The following TENM4 variants were observed in gnomAD, a reference collection of about 807,000 sequenced individuals.
TENM4 encodes teneurin transmembrane protein 4, also known as teneurin-4.
A neutral mutation model predicts 243.3 loss-of-function variants in TENM4; 82 were observed. The ratio of observed to expected loss-of-function variants is 0.34; its 90% confidence interval spans 0.28 to 0.40. The LOEUF is 0.40. Ranked by LOEUF, TENM4 falls within the 10% of genes least tolerant of loss-of-function variation. TENM4 has a pLI of 1.00. For synonymous variants in TENM4, 1,412 were observed against 1,456.3 expected (o/e 0.97, Z 0.69); for missense variants, 3,138 against 3,673.3 (o/e 0.85, Z 3.77).
chr11:78,948,477 CCA>C (rs2136482057), intron 6 of TENM4, among the ~76,000 whole-genome samples: 1 of 151,480 alleles, frequency 6.6e-6, no homozygotes, highest in East Asian at 2.0e-4. Flanking sequence ...CGGGTTCATG[CCA>C]GTCTCCTGCC....
intron 1 of TENM4, among the ~76,000 whole-genome samples, chr11:79,326,421 T>C (rs1048906545): frequency 6.6e-6 from 1 of 152,154 alleles, no homozygotes. Context: ...TCAAGACACT[T>C]CTCAAAGGCT....
At chr11:79,289,072 A>C (rs1856309757) in intron 2 of TENM4, among the ~76,000 whole-genome samples, 1 of 152,186 alleles carries the variant, frequency 6.6e-6, no homozygotes, top group African/African-American at 2.4e-5. Context: ...TGAAAGAGCA[A>C]TCATAACACT....
At chr11:78,981,857 C>T (rs941500002) in intron 6 of TENM4, among the ~76,000 whole-genome samples, 3 of 152,104 alleles carry the variant, frequency 2.0e-5, no homozygotes, top group Non-Finnish European at 2.9e-5. Flanking sequence ...ATTGTTGAGC[C>T]ATGTCCTTTG....
chr11:79,153,763 A>AACAC (rs1248463121), intron 3 of TENM4, among the ~76,000 whole-genome samples: 2 of 152,102 alleles, frequency 1.3e-5, no homozygotes, highest in East Asian at 3.9e-4. Context: ...ACACCATGTT[A>AACAC]TACCATTGCT....
At chr11:79,293,466 T>C (rs1016197517) in intron 2 of TENM4, among the ~76,000 whole-genome samples, 1 of 150,400 alleles carries the variant, frequency 6.6e-6, no homozygotes, top group Non-Finnish European at 1.5e-5. Flanking sequence ...GTGATCACAT[T>C]ATTGTGCTCC....
chr11:78,932,346 G>A (rs1033014176), intron 6 of TENM4, among the ~76,000 whole-genome samples: 2 of 152,160 alleles, frequency 1.3e-5, no homozygotes, highest in African/African-American at 4.8e-5. Flanking sequence ...CATCAGTTCA[G>A]GGGACAGCAG....
chr11:79,327,611 C>T (rs1185813323), intron 1 of TENM4, among the ~76,000 whole-genome samples: 1 of 146,582 alleles, frequency 6.8e-6, no homozygotes, highest in East Asian at 2.1e-4. Context: ...TGCCCCAAAT[C>T]ACTTATAGCG....
At chr11:78,807,361 A>G (rs1857410707) in intron 14 of TENM4, among the ~76,000 whole-genome samples, 1 of 152,222 alleles carries the variant, frequency 6.6e-6, no homozygotes, top group South Asian at 2.1e-4. Flanking sequence ...ATCTGAAGAC[A>G]GCTCTGTCTG....
intron 4 of TENM4, among the ~76,000 whole-genome samples, chr11:79,109,948 G>A (rs1210192890): frequency 6.6e-6 from 1 of 152,194 alleles, no homozygotes; most frequent in Non-Finnish European, 1.5e-5. Context: ...GAATGCTAAT[G>A]CAGCTATTGT....
intron 10 of TENM4, among the ~76,000 whole-genome samples, chr11:78,861,365 G>A (rs894261266): frequency 1.3e-5 from 2 of 152,190 alleles, no homozygotes; most frequent in African/African-American, 2.4e-5. Context: ...TGTGTTCAAG[G>A]GATTTGCTTA....
chr11:79,167,708 A>G (rs1213798336), intron 3 of TENM4, among the ~76,000 whole-genome samples: 1 of 152,106 alleles, frequency 6.6e-6, no homozygotes, highest in Non-Finnish European at 1.5e-5. Flanking sequence ...TGAAGGTGGC[A>G]GGGTAGGAGG....
intron 1 of TENM4, among the ~76,000 whole-genome samples, chr11:79,375,585 GT>G (rs1300846091): frequency 6.6e-6 from 1 of 152,082 alleles, no homozygotes; most frequent in African/African-American, 2.4e-5. Context: ...ATTTGATTTT[GT>G]TATTATTATT....
chr11:79,250,023 T>C (rs1855583035), intron 2 of TENM4, among the ~76,000 whole-genome samples: 2 of 152,234 alleles, frequency 1.3e-5, no homozygotes, highest in African/African-American at 2.4e-5. Flanking sequence ...TCTTGCTCTG[T>C]TGCCCAGGCT....
chr11:78,966,921 T>C (rs796603576), intron 6 of TENM4, among the ~76,000 whole-genome samples: 13 of 152,228 alleles, frequency 8.5e-5, no homozygotes, highest in African/African-American at 3.1e-4. Flanking sequence ...AGGGCACTTT[T>C]TGCATTAAAT....
intron 12 of TENM4, among the ~76,000 whole-genome samples, chr11:78,835,200 T>C (rs893845173): frequency 6.6e-6 from 1 of 152,142 alleles, no homozygotes; most frequent in African/African-American, 2.4e-5. Context: ...AGCTCTCTTT[T>C]CCCTCAGCTT....
At position 79,065,001 on chromosome 11, in the gene TENM4, T is replaced by C. The variant is rs1188932714; in HGVS notation, c.230A>G (p.Asn77Ser). 4.1e-6 allele frequency: 6 copies of C among 1,458,398 alleles called. No homozygotes were observed. The highest frequency in any genetic ancestry group is 1.4e-5 in the South Asian group (1 of 68,972). The allele number at this position is 1,458,398 out of a possible 1,614,324, so 90.3% of individuals were successfully genotyped here. The change falls in exon 6 of 34, where the codon AAC (asparagine) becomes AGC (serine). Residue 77 changes from asparagine (N) to serine (S), a missense_variant. By Grantham distance (46) the Asn-to-Ser change is conservative. Transcript: ENST00000278550. Reference sequence around the variant, plus strand: ...CAGCCCCAGCTCCCGCAGGGTGAAGTTGGCACCTGGGAGGAAACACAGGTG... The same window carrying C: ...CAGCCCCAGCTCCCGCAGGGTGAAGCTGGCACCTGGGAGGAAACACAGGTG... ...EAEEFCRTGA[N>S]FTLRELGLEE...
chr11:79,263,462 G>T (rs1368898504), intron 2 of TENM4, among the ~76,000 whole-genome samples: 2 of 152,192 alleles, frequency 1.3e-5, no homozygotes, highest in Admixed American at 6.5e-5. Flanking sequence ...TTTCCCAAGG[G>T]CATTGAGAAC....
chr11:78,769,773 T>C (rs1259108501), intron 18 of TENM4, among the ~76,000 whole-genome samples: 2 of 152,226 alleles, frequency 1.3e-5, no homozygotes, highest in Non-Finnish European at 2.9e-5. Flanking sequence ...CCTCCTGGAT[T>C]TAGGCAGCAG....
At chr11:79,269,084 C>A (rs1362796100) in intron 2 of TENM4, among the ~76,000 whole-genome samples, 1 of 152,210 alleles carries the variant, frequency 6.6e-6, no homozygotes, top group Non-Finnish European at 1.5e-5. Flanking sequence ...CCTGTATTTC[C>A]CTTAGGAGCA....
Sources: gnomAD v4.1 joint callset for allele counts (sites outside exome capture counted in the v4.1 genomes callset) on GRCh38, gnomAD v4.1.1 for gene constraint, MANE v1.5 for transcripts, NCBI Gene and HGNC (gene_info 2026-07-23, HGNC 2026-07-21) for gene names.